Variants in GRID1 observed in about 807,000 individuals in gnomAD.
GRID1 encodes the protein glutamate receptor ionotropic, delta-1.
GRID1 carries 28 observed loss-of-function variants against 98.0 expected under a neutral mutation model. That is an observed-to-expected ratio of 0.29 (90% CI 0.21 to 0.39). GRID1 has a LOEUF of 0.39. Among genes scored for constraint, GRID1 ranks in the 10% least tolerant of loss-of-function variants. The probability of loss-of-function intolerance (pLI) is 1.00; values close to 1 mark genes in which losing one functional copy is unlikely to be tolerated. For synonymous variants in GRID1, 553 were observed against 538.5 expected (o/e 1.03, Z -0.37); for missense variants, 1,111 against 1,340.5 (o/e 0.83, Z 2.67).
chr10:85,964,020 G>A lies in GRID1; in HGVS notation c.727-47781C>T, dbSNP rs925942043. 3.3e-5 allele frequency among the ~76,000 whole-genome samples: 5 copies of A among 152,054 alleles called. No homozygotes were observed. In the East Asian group the frequency reaches 9.6e-4, roughly 29 times the overall value. ...ACAAACAGAGAGCCAAATCATGAGCGAACTCCCATTCACAATTGCTACTAA... is the reference window on the plus strand; with the variant it reads ...ACAAACAGAGAGCCAAATCATGAGCAAACTCCCATTCACAATTGCTACTAA... On this transcript the variant is annotated intron_variant, in intron 4 of 15. Transcript: ENST00000327946.
At chr10:85,823,183 A>G (rs897779553) in intron 8 of GRID1, among the ~76,000 whole-genome samples, 1 of 152,184 alleles carries the variant, frequency 6.6e-6, no homozygotes, top group Non-Finnish European at 1.5e-5. Context: ...AACTTAAAGT[A>G]TAATAAAAAA....
intron 12 of GRID1, among the ~76,000 whole-genome samples, chr10:85,713,559 G>A (rs574636192): frequency 1.3e-5 from 2 of 150,736 alleles, no homozygotes; most frequent in Non-Finnish European, 1.5e-5. Context: ...AAAACTACAG[G>A]CTAATATCCC....
chr10:86,191,910 T>A (rs752269011), intron 3 of GRID1, among the ~76,000 whole-genome samples: 2 of 152,122 alleles, frequency 1.3e-5, no homozygotes, highest in Non-Finnish European at 2.9e-5. Flanking sequence ...TGCTGATCCA[T>A]CCTGCGTCGC....
chr10:86,323,229 T>C (rs1847995203), intron 2 of GRID1, among the ~76,000 whole-genome samples: 1 of 152,202 alleles, frequency 6.6e-6, no homozygotes, highest in South Asian at 2.1e-4. Context: ...GGTGGCCTCT[T>C]TCCTAGCTGA....
In GRID1 at chr10:85,743,962, T is replaced by C. The variant is rs970543327; in HGVS notation, c.1234-14348A>G. ...TCAAGCAGAATTTAAATAAAGTATATAGAAGATAGAAGCCAAGATTTGTTG... is the reference window on the plus strand; with the variant it reads ...TCAAGCAGAATTTAAATAAAGTATACAGAAGATAGAAGCCAAGATTTGTTG... On this transcript the variant is annotated intron_variant, in intron 8 of 15. Coordinates refer to ENST00000327946, the MANE Select transcript of GRID1 (RefSeq NM_017551.3). Among the ~76,000 whole-genome samples, 124 of 152,234 alleles carry C rather than the reference T, an allele frequency of 8.1e-4. 1 individual carries two copies. Among genetic ancestry groups the C allele is most frequent in the African/African-American group, 2.8e-3 (118 of 41,550 alleles).
intron 4 of GRID1, among the ~76,000 whole-genome samples, chr10:86,062,409 C>T (rs2131914257): frequency 6.6e-6 from 1 of 152,262 alleles, no homozygotes; most frequent in South Asian, 2.1e-4. Context: ...TAGGGGTCTT[C>T]TCCGGAGGTC....
At chr10:85,621,255 A>G (rs1180164842) in intron 13 of GRID1, among the ~76,000 whole-genome samples, 2 of 152,154 alleles carry the variant, frequency 1.3e-5, no homozygotes, top group African/African-American at 4.8e-5. Flanking sequence ...CTTGCACCAG[A>G]TGATGGGGGC....
At chr10:86,175,045 G>A (rs1458543187) in intron 3 of GRID1, among the ~76,000 whole-genome samples, 1 of 152,198 alleles carries the variant, frequency 6.6e-6, no homozygotes, top group African/African-American at 2.4e-5. Context: ...CTGTTGGTGG[G>A]ACTGTAAACT....
chr10:86,099,189 T>C (rs1016714113), intron 4 of GRID1, among the ~76,000 whole-genome samples: 2 of 152,214 alleles, frequency 1.3e-5, no homozygotes, highest in Middle Eastern at 3.2e-3. Context: ...AGTCCACATC[T>C]ATAACCCAGC....
At chr10:85,879,987 T>C (rs1231328107) in intron 5 of GRID1, among the ~76,000 whole-genome samples, 3 of 152,180 alleles carry the variant, frequency 2.0e-5, no homozygotes, top group Non-Finnish European at 4.4e-5. Flanking sequence ...GAGAATACTA[T>C]AAACACCTCT....
chr10:86,231,287 G>A (rs767120706), intron 2 of GRID1, among the ~76,000 whole-genome samples: 8 of 152,130 alleles, frequency 5.3e-5, no homozygotes, highest in South Asian at 2.1e-4. Context: ...CAGGGGGCCC[G>A]GGCTGGTTCC....
intron 3 of GRID1, among the ~76,000 whole-genome samples, chr10:86,153,490 C>T (rs372681724): frequency 5.3e-5 from 8 of 152,224 alleles, no homozygotes; most frequent in Admixed American, 6.5e-5. Flanking sequence ...CTATTATCTG[C>T]GCTCTTGAGG....
At chr10:86,153,031 C>A (rs1293739407) in intron 3 of GRID1, among the ~76,000 whole-genome samples, 1 of 152,198 alleles carries the variant, frequency 6.6e-6, no homozygotes, top group Non-Finnish European at 1.5e-5. Flanking sequence ...CAGCAAGGGG[C>A]CCACAGATGC....
intron 9 of GRID1, among the ~76,000 whole-genome samples, chr10:85,728,726 C>A (rs1367007927): frequency 6.6e-6 from 1 of 152,128 alleles, no homozygotes; most frequent in East Asian, 1.9e-4. Flanking sequence ...TGAAACTGAA[C>A]AAGGGGCCTT....
intron 4 of GRID1, among the ~76,000 whole-genome samples, chr10:86,089,235 G>A (rs1844107915): frequency 6.6e-6 from 1 of 152,214 alleles, no homozygotes; most frequent in Non-Finnish European, 1.5e-5. Context: ...CTGGGGAGCA[G>A]TAACGATGCA....
intron 8 of GRID1, among the ~76,000 whole-genome samples, chr10:85,826,055 G>A (rs564206951): frequency 2.0e-5 from 3 of 152,292 alleles, no homozygotes; most frequent in South Asian, 2.1e-4. Flanking sequence ...GGCTAGGCGC[G>A]TTGGCTCACG....
rs565305684 is a variant in GRID1, at chr10:86,070,936, G to A, written c.726+67883C>T. The stretch of plus-strand genomic sequence containing the variant: ...TCCCTCCCTGCAAGCCACTGAAAAG[G>A]CATTCATCTGTGACCTGCATCTCCA... On this transcript the variant is annotated intron_variant, in intron 4 of 15. Coordinates refer to ENST00000327946, the MANE Select transcript of GRID1 (RefSeq NM_017551.3). 3.3e-3 allele frequency among the ~76,000 whole-genome samples: 500 copies of A among 152,202 alleles called. 3 individuals carry two copies. Among genetic ancestry groups the A allele is most frequent in the Non-Finnish European group, 3.9e-3 (266 of 68,016 alleles).
At chr10:85,634,163 T>C (rs1348082138) in intron 13 of GRID1, among the ~76,000 whole-genome samples, 5 of 143,698 alleles carry the variant, frequency 3.5e-5, no homozygotes, top group Admixed American at 2.8e-4. Context: ...AGAGCGAAAC[T>C]CCATCTGAAA....
chr10:85,982,244 T>C (rs1329562654), intron 4 of GRID1, among the ~76,000 whole-genome samples: 1 of 151,894 alleles, frequency 6.6e-6, no homozygotes, highest in Admixed American at 6.6e-5. Flanking sequence ...AATGTGTTAA[T>C]TTACTTGGCT....
Sources: allele counts gnomAD v4.1 joint callset (sites outside exome capture counted in the v4.1 genomes callset), GRCh38; gene constraint gnomAD v4.1.1; transcripts MANE v1.5; gene names NCBI Gene and HGNC (gene_info 2026-07-23, HGNC 2026-07-21).